The following AFAP1L1 variants were observed in gnomAD, a reference collection of about 807,000 sequenced individuals.
AFAP1L1 encodes actin filament associated protein 1 like 1.
In AFAP1L1, 77 loss-of-function variants were observed where a neutral mutation model predicts 99.8. That is an observed-to-expected ratio of 0.77 (90% CI 0.64 to 0.93). The LOEUF is 0.93. Among genes scored for constraint, AFAP1L1 ranks in the 40% least tolerant of loss-of-function variants. The pLI is 0.00. For synonymous variants in AFAP1L1, 373 were observed against 395.3 expected (o/e 0.94, Z 0.67); for missense variants, 893 against 996.8 (o/e 0.90, Z 1.40).
intron 7 of AFAP1L1, 69 bp downstream of exon 7, chr5:149,307,682 C>T (rs1581318292): frequency 1.3e-6 from 2 of 1,493,188 alleles, no homozygotes; most frequent in East Asian, 4.7e-5. Flanking sequence ...TCTCTACATA[C>T]ATGTGGATAT....
chr5:149,285,006 A>G (rs1467436467), intron 1 of AFAP1L1, among the ~76,000 whole-genome samples: 3 of 152,206 alleles, frequency 2.0e-5, no homozygotes, highest in African/African-American at 7.2e-5. Flanking sequence ...GGGGCATTTC[A>G]AAACTCAAAA....
chr5:149,282,995 A>G (rs1401833372), intron 1 of AFAP1L1, among the ~76,000 whole-genome samples: 2 of 152,236 alleles, frequency 1.3e-5, no homozygotes, highest in African/African-American at 4.8e-5. Context: ...AACACTGAGC[A>G]CAGCCCATTC....
At chr5:149,336,247 T>C (rs557277719) in intron 18 of AFAP1L1, among the ~76,000 whole-genome samples, 1 of 152,330 alleles carries the variant, frequency 6.6e-6, no homozygotes, top group African/African-American at 2.4e-5. Flanking sequence ...GGTGGTACCA[T>C]GTAAGCAAAC....
chr5:149,301,561 C>G (rs1028284253), intron 4 of AFAP1L1, among the ~76,000 whole-genome samples: 2 of 152,174 alleles, frequency 1.3e-5, no homozygotes, highest in African/African-American at 2.4e-5. Flanking sequence ...GCCCAACTTC[C>G]GATTGCATAA....
Position 149,340,082 on chromosome 5 carries a change from G to A in AFAP1L1, c.*52G>A, listed in dbSNP as rs1399072575. ...GGAAATACCAGCTTGTCCACCTGAG[G>A]AAGAAATGCTTTTTTCACAAGGAGA... On this transcript the variant is annotated 3_prime_UTR_variant, in exon 19 of 19. Transcript: ENST00000296721. 1.2e-6 allele frequency: 2 copies of A among 1,608,470 alleles called. No homozygotes were observed. The highest frequency in any genetic ancestry group is 1.1e-5 in the South Asian group (1 of 90,794).
At chr5:149,306,159 G>T (rs998747051) in intron 5 of AFAP1L1, 147 bp from the exon 6 acceptor site, 44 of 595,268 alleles carry the variant, frequency 7.4e-5, no homozygotes, top group Non-Finnish European at 1.1e-4. Context: ...GATGCAGAGA[G>T]GAGGCCTCAC....
intron 9 of AFAP1L1, among the ~76,000 whole-genome samples, chr5:149,313,699 G>A (rs751381589): frequency 6.6e-6 from 1 of 152,244 alleles, no homozygotes; most frequent in Non-Finnish European, 1.5e-5. Context: ...GTAAGAAGCA[G>A]ACATGAATCA....
chr5:149,286,758 T>A (rs1324891982), intron 1 of AFAP1L1, among the ~76,000 whole-genome samples: 1 of 152,090 alleles, frequency 6.6e-6, no homozygotes, highest in Admixed American at 6.6e-5. Context: ...AACAGGCCTG[T>A]GGAGGTAGGG....
chr5:149,304,775 G>A (rs1401810906), intron 5 of AFAP1L1, among the ~76,000 whole-genome samples: 2 of 152,174 alleles, frequency 1.3e-5, no homozygotes, highest in East Asian at 3.8e-4. Context: ...AGGCCTCAGG[G>A]TGCCTGCTGG....
At position 149,343,209 on chromosome 5, in the gene AFAP1L1, C is replaced by T. The variant is rs986913562; in HGVS notation, c.*3179C>T. The stretch of plus-strand genomic sequence containing the variant: ...AGATAAAAAGATGAAAATACTCCAG[C>T]TCTGTCCTCATGGAACTCAGAGACA... On this transcript the variant is annotated 3_prime_UTR_variant, in exon 19 of 19. Transcript: ENST00000296721. Among the ~76,000 whole-genome samples, 14 of 152,126 alleles carry T rather than the reference C, an allele frequency of 9.2e-5. No homozygotes were observed. The highest frequency in any genetic ancestry group is 1.9e-4 in the Non-Finnish European group (13 of 68,040).
intron 15 of AFAP1L1, among the ~76,000 whole-genome samples, 175 bp from the exon 16 acceptor site, chr5:149,329,491 C>T (rs1226585115): frequency 2.0e-5 from 3 of 152,186 alleles, no homozygotes; most frequent in South Asian, 2.1e-4. Flanking sequence ...CCTGTGGCCT[C>T]CCTTTTGCTT....
At chr5:149,334,755 C>T (rs554688849) in intron 17 of AFAP1L1, among the ~76,000 whole-genome samples, 2 of 151,770 alleles carry the variant, frequency 1.3e-5, no homozygotes, top group South Asian at 2.1e-4. Context: ...CTACTAAAAA[C>T]GCAAAAATTA....
At chr5:149,325,317 G>T (rs1757065551) in intron 15 of AFAP1L1, among the ~76,000 whole-genome samples, 2 of 152,114 alleles carry the variant, frequency 1.3e-5, no homozygotes, top group South Asian at 4.1e-4. Context: ...AGAAAACAGG[G>T]CTCCTTCTTC....
At position 149,302,534 on chromosome 5, in the gene AFAP1L1, C is replaced by G. The variant is rs1243793113; in HGVS notation, c.436+8C>G. The G allele has an allele frequency of 2.5e-6, 4 of 1,569,028 alleles. No individual in the cohort carries two copies. The highest frequency in any genetic ancestry group is 3.8e-5 in the Admixed American group (2 of 52,996). On this transcript the variant is annotated splice_region_variant and intron_variant, in intron 5 of 18. Coordinates refer to ENST00000296721, the MANE Select transcript of AFAP1L1 (RefSeq NM_152406.4). ...AGTACATCAGCTCCCACAGTAAGTT[C>G]TGGTCCTCTTGGTGGGGCTGGGGAC...
In AFAP1L1 at chr5:149,340,254, G is replaced by C; in HGVS notation, c.*224G>C. 1.9e-6 allele frequency: 1 copy of C among 534,394 alleles called. No homozygotes were observed. Among genetic ancestry groups the C allele is most frequent in the Non-Finnish European group, 3.4e-6 (1 of 296,456 alleles). 33.1% of individuals were successfully genotyped at this position (534,394 alleles called of 1,614,324 possible). A position where few individuals can be genotyped will look rare whatever the true frequency, so the allele number is the denominator to read the frequency against. ...AGAGCATCCTTATGACTTTACAAAG[G>C]GTGGAAATGAGGATGGAGGGATACA... On this transcript the variant is annotated 3_prime_UTR_variant, in exon 19 of 19. Coordinates refer to ENST00000296721, the MANE Select transcript of AFAP1L1 (RefSeq NM_152406.4).
chr5:149,299,538 GGGCT>G lies in AFAP1L1; in HGVS notation c.48_51del (p.Leu17SerfsTer40), dbSNP rs1198689418. 3 of 1,613,940 alleles carry G rather than the reference GGGCT, an allele frequency of 1.9e-6. No individual in the cohort carries two copies. The African/African-American group carries it at 4.0e-5, about 22-fold the overall frequency. On this transcript the variant is annotated frameshift_variant, in exon 2 of 19. Transcript: ENST00000296721. LOFTEE classifies it high-confidence loss of function. ...GGAGCAGCTGCTCCCAGAGCTCACCGGGCTGCTCAGCCTCCTGGACCACGAGTAC... is the reference window on the plus strand; with the variant it reads ...GGAGCAGCTGCTCCCAGAGCTCACCGGCTCAGCCTCCTGGACCACGAGTAC...
At chr5:149,327,005 C>T (rs1561683500) in intron 15 of AFAP1L1, among the ~76,000 whole-genome samples, 1 of 152,122 alleles carries the variant, frequency 6.6e-6, no homozygotes, top group Non-Finnish European at 1.5e-5. Flanking sequence ...AAAGATACTA[C>T]AATATATTCT....
At chr5:149,315,969 C>T in intron 10 of AFAP1L1, 55 bp downstream of exon 10, 2 of 1,603,698 alleles carry the variant, frequency 1.2e-6, no homozygotes, top group Non-Finnish European at 1.7e-6. Flanking sequence ...CCGGGCCTTG[C>T]CCATGGGCAC....
intron 1 of AFAP1L1, among the ~76,000 whole-genome samples, chr5:149,286,589 A>G (rs1272463337): frequency 6.6e-6 from 1 of 152,188 alleles, no homozygotes; most frequent in Non-Finnish European, 1.5e-5. Flanking sequence ...ATGAGGTGCT[A>G]TTCAGTCTCT....
Sources: allele counts gnomAD v4.1 joint callset (sites outside exome capture counted in the v4.1 genomes callset), GRCh38; gene constraint gnomAD v4.1.1; transcripts MANE v1.5; gene names NCBI Gene and HGNC (gene_info 2026-07-23, HGNC 2026-07-21).